The following ADAMTS20 variants were observed in gnomAD, a reference collection of about 807,000 sequenced individuals.
ADAMTS20 encodes the protein ADAM metallopeptidase with thrombospondin type 1 motif 20.
ADAMTS20 carries 225 observed loss-of-function variants against 260.1 expected under a neutral mutation model. The observed-to-expected ratio is 0.87, with a 90% CI of 0.78 to 0.97. The LOEUF is 0.97. Among genes scored for constraint, ADAMTS20 ranks in the 50% least tolerant of loss-of-function variants. The pLI is 0.00. For missense variants in ADAMTS20, 2,400 were observed against 2,337.7 expected (o/e 1.03, Z -0.55); for synonymous variants, 802 against 769.5 (o/e 1.04, Z -0.70).
intron 28 of ADAMTS20, among the ~76,000 whole-genome samples, chr12:43,400,968 C>T (rs1940798480): frequency 1.3e-5 from 2 of 151,896 alleles, no homozygotes; most frequent in Admixed American, 1.3e-4. Context: ...ATGTATCCTC[C>T]AAGTGCTTAT....
In ADAMTS20 at chr12:43,452,302, T is replaced by A; in HGVS notation, c.2051A>T (p.His684Leu). 6.2e-7 allele frequency: 1 copy of A among 1,612,606 alleles called. No homozygotes were observed. Among genetic ancestry groups the A allele is most frequent in the Non-Finnish European group, 8.5e-7 (1 of 1,179,290 alleles). ...ACACTGGCCTTGAACACAGATGTCA[T>A]GAGTTTCAGTTCCACAAGGAGTACC... ...EDGTPCGTET[H>L]DICVQGQCMA... Residue 684 changes from histidine (H) to leucine (L), a missense_variant, in exon 14 of 39, where the codon CAT becomes CTT. Coordinates refer to ENST00000389420, the MANE Select transcript of ADAMTS20 (RefSeq NM_025003.5).
intron 38 of ADAMTS20, among the ~76,000 whole-genome samples, chr12:43,354,811 A>G (rs1202303817): frequency 6.6e-6 from 1 of 152,200 alleles, no homozygotes; most frequent in African/African-American, 2.4e-5. Flanking sequence ...AAAAGTATAG[A>G]AGGTGGTAAA....
In ADAMTS20 at chr12:43,439,624, T is replaced by G; in HGVS notation, c.2591A>C (p.Gln864Pro). 6.2e-7 allele frequency: 1 copy of G among 1,603,818 alleles called. No individual in the cohort carries two copies. The highest frequency in any genetic ancestry group is 8.5e-7 in the Non-Finnish European group (1 of 1,177,188). ...TCCCTTATTGAATGCCAGCGTACCT[T>G]GACACATTTTGGTACAGCCTTCCCA... ...GPWEGCTKMC[Q>P]GLQRRNITCI... Residue 864 changes from glutamine to proline, a missense_variant and splice_region_variant, in exon 18 of 39, where the codon CAA becomes CCA. Transcript: ENST00000389420.
chr12:43,551,564 C>T lies in ADAMTS20; in HGVS notation c.91+267G>A, dbSNP rs1210825849. ...TACCTCCTAACCTCCCCGCAGCCCCCAACTCGTTCCCTCCGGGTGCAAGCG... is the reference window on the plus strand; with the variant it reads ...TACCTCCTAACCTCCCCGCAGCCCCTAACTCGTTCCCTCCGGGTGCAAGCG... On this transcript the variant is annotated intron_variant, in intron 1 of 38. Transcript: ENST00000389420. This position sits in a 1 kb window ranked among gnomAD's most constrained non-coding sequence, Gnocchi z 4.6. Among the ~76,000 whole-genome samples the T allele has an allele frequency of 6.6e-6, 1 of 152,224 alleles. No individual in the cohort carries two copies. The highest frequency in any genetic ancestry group is 1.5e-5 in the Non-Finnish European group (1 of 68,042).
Position 43,452,709 on chromosome 12 carries a change from T to C in ADAMTS20, c.1761-14A>G, listed in dbSNP as rs1315219059. 1.9e-6 allele frequency: 3 copies of C among 1,589,308 alleles called. No individual in the cohort carries two copies. The highest frequency in any genetic ancestry group is 2.6e-6 in the Non-Finnish European group (3 of 1,164,970). On this transcript the variant is annotated splice_polypyrimidine_tract_variant and intron_variant, in intron 12 of 38. Coordinates refer to ENST00000389420, the MANE Select transcript of ADAMTS20 (RefSeq NM_025003.5). Reference sequence around the variant, plus strand: ...CCGTTTCTTGGCCTAGTCAAATTCATTACATTTTAAAGCACATCAGTACAA... The same window carrying C: ...CCGTTTCTTGGCCTAGTCAAATTCACTACATTTTAAAGCACATCAGTACAA...
At chr12:43,430,493 T>TA (rs758561649) in intron 22 of ADAMTS20, 22 bp from the exon 23 acceptor site, 3 of 1,593,664 alleles carry the variant, frequency 1.9e-6, no homozygotes, top group Non-Finnish European at 2.6e-6. Context: ...ATATAGATAT[T>TA]AAAAAAACAT....
chr12:43,364,101 T>C (rs952072156), intron 37 of ADAMTS20, among the ~76,000 whole-genome samples: 3 of 152,136 alleles, frequency 2.0e-5, no homozygotes, highest in Non-Finnish European at 2.9e-5. Flanking sequence ...TCACTGTGCA[T>C]GCCCAAGACT....
intron 28 of ADAMTS20, among the ~76,000 whole-genome samples, chr12:43,414,288 T>C (rs558894338): frequency 5.3e-4 from 81 of 152,234 alleles, no homozygotes; most frequent in African/African-American, 1.9e-3. Flanking sequence ...CAGTTTGCTG[T>C]TCTCTCCATA....
At chr12:43,374,140 AC>A (rs1397575023) in intron 36 of ADAMTS20, among the ~76,000 whole-genome samples, 4 of 152,150 alleles carry the variant, frequency 2.6e-5, no homozygotes, top group Non-Finnish European at 5.9e-5. Flanking sequence ...ATAAAGAATT[AC>A]ACCCAGACAG....
chr12:43,403,842 G>C (rs1051363511), intron 28 of ADAMTS20, among the ~76,000 whole-genome samples: 1 of 151,962 alleles, frequency 6.6e-6, no homozygotes, highest in Non-Finnish European at 1.5e-5. Flanking sequence ...ATGGAGAGTC[G>C]ACGTATGAAT....
intron 4 of ADAMTS20, among the ~76,000 whole-genome samples, chr12:43,500,794 G>T (rs1196180899): frequency 6.6e-6 from 1 of 152,066 alleles, no homozygotes; most frequent in African/African-American, 2.4e-5. Flanking sequence ...CATATACTGT[G>T]TTTAGGCAAC....
chr12:43,369,879 T>C (rs1236134919), intron 36 of ADAMTS20, among the ~76,000 whole-genome samples: 1 of 152,188 alleles, frequency 6.6e-6, no homozygotes, highest in African/African-American at 2.4e-5. Flanking sequence ...TTATTCTTTT[T>C]ATTTTTTTCA....
At position 43,440,194 on chromosome 12, in the gene ADAMTS20, A is replaced by ACAATATT; in HGVS notation, c.2291-126_2291-125insAATATTG. 5.8e-6 allele frequency: 4 copies of ACAATATT among 692,258 alleles called. No homozygotes were observed. The Middle Eastern group carries it at 1.3e-3, about 223-fold the overall frequency. The allele number at this position is 692,258 out of a possible 1,614,324, so 42.9% of individuals were successfully genotyped here. A position where few individuals can be genotyped will look rare whatever the true frequency, so the allele number is the denominator to read the frequency against. ...AGTCTTGCTGTATCTCCCAGGCTGG[A>ACAATATT]GTACAGTGGCACAATATTGGCTCAC... On this transcript the variant is annotated intron_variant, in intron 16 of 38. Coordinates refer to ENST00000389420, the MANE Select transcript of ADAMTS20 (RefSeq NM_025003.5).
chr12:43,468,109 G>A (rs1333496124), intron 8 of ADAMTS20, among the ~76,000 whole-genome samples: 3 of 149,232 alleles, frequency 2.0e-5, no homozygotes, highest in South Asian at 4.2e-4. Context: ...AAATTTTTAT[G>A]AGCAACTATG....
At chr12:43,498,245 C>T (rs931565) in intron 4 of ADAMTS20, among the ~76,000 whole-genome samples, 106,672 of 152,014 alleles carry the variant, frequency 0.7, 37,808 homozygotes, top group East Asian at 1. Context: ...AAAAGTGAAT[C>T]AAGTCACATT....
chr12:43,448,126 C>T (rs879270283), intron 14 of ADAMTS20, among the ~76,000 whole-genome samples: 2 of 151,776 alleles, frequency 1.3e-5, no homozygotes, highest in Admixed American at 1.3e-4. Context: ...CTTTATAGAA[C>T]TAGAGAAAAC....
At chr12:43,462,208 G>C (rs1942075978) in intron 11 of ADAMTS20, among the ~76,000 whole-genome samples, 1 of 152,182 alleles carries the variant, frequency 6.6e-6, no homozygotes, top group South Asian at 2.1e-4. Context: ...CATTGCCAAG[G>C]AAGTGTTCCT....
chr12:43,360,084 A>C (rs1453568287), intron 37 of ADAMTS20, among the ~76,000 whole-genome samples: 1 of 141,938 alleles, frequency 7.0e-6, no homozygotes, highest in Non-Finnish European at 1.5e-5. Context: ...AGACCAGAAC[A>C]TATAAAAAAA....
chr12:43,449,521 G>GT (rs1349780333), intron 14 of ADAMTS20, among the ~76,000 whole-genome samples: 2 of 152,062 alleles, frequency 1.3e-5, no homozygotes, highest in East Asian at 3.9e-4. Flanking sequence ...ATCAGAAAAA[G>GT]TAACTATTGG....
Sources: allele counts gnomAD v4.1 joint callset (sites outside exome capture counted in the v4.1 genomes callset), GRCh38; gene constraint gnomAD v4.1.1; non-coding constraint Gnocchi (gnomAD v3.1); transcripts MANE v1.5; gene names NCBI Gene and HGNC (gene_info 2026-07-23, HGNC 2026-07-21).